Variants in TRDN observed in about 807,000 individuals in gnomAD.
TRDN encodes triadin in skeletal muscle.
A neutral mutation model predicts 149.7 loss-of-function variants in TRDN; 161 were observed. The observed-to-expected ratio is 1.08, with a 90% CI of 0.95 to 1.23. The LOEUF is 1.23. Among genes scored for constraint, TRDN ranks in the 50% most tolerant of loss-of-function variants. The probability of loss-of-function intolerance (pLI) is 0.00; values close to 1 mark genes in which losing one functional copy is unlikely to be tolerated. For synonymous variants in TRDN, 294 were observed against 250.5 expected (o/e 1.17, Z -1.64); for missense variants, 896 against 823.5 (o/e 1.09, Z -1.08).
chr6:123,505,248 A>C (rs2114837844), intron 7 of TRDN, among the ~76,000 whole-genome samples: 1 of 70,426 alleles, frequency 1.4e-5, no homozygotes, highest in Middle Eastern at 5.7e-3. Context: ...CTGTCTCAAA[A>C]AAAAAAAAAA....
At chr6:123,220,120 T>A (rs2114495650) in intron 40 of TRDN, among the ~76,000 whole-genome samples, 1 of 151,936 alleles carries the variant, frequency 6.6e-6, no homozygotes, top group East Asian at 2.0e-4. Flanking sequence ...CCAACTGAGG[T>A]TAGAATATTT....
intron 39 of TRDN, among the ~76,000 whole-genome samples, chr6:123,222,564 T>C (rs1278981300): frequency 6.6e-6 from 1 of 151,798 alleles, no homozygotes; most frequent in African/African-American, 2.4e-5. Context: ...TTTTATTTGA[T>C]AAGGTCCTGA....
At chr6:123,445,875 C>A (rs1449202046) in intron 10 of TRDN, among the ~76,000 whole-genome samples, 1 of 135,982 alleles carries the variant, frequency 7.4e-6, no homozygotes, top group East Asian at 2.0e-4. Flanking sequence ...ACCCAGCCAT[C>A]CCATTACTGG....
At chr6:123,488,201 G>A (rs1778055301) in intron 9 of TRDN, among the ~76,000 whole-genome samples, 1 of 152,078 alleles carries the variant, frequency 6.6e-6, no homozygotes, top group South Asian at 2.1e-4. Context: ...GCTTACTTCA[G>A]TTAGAAGTGC....
chr6:123,538,082 T>C (rs1259978795), intron 4 of TRDN, among the ~76,000 whole-genome samples: 1 of 152,218 alleles, frequency 6.6e-6, no homozygotes, highest in Non-Finnish European at 1.5e-5. Context: ...GCAATCATCC[T>C]GATTCTTTTA....
At position 123,319,778 on chromosome 6, in the gene TRDN, T is replaced by C. The variant is rs1779173546; in HGVS notation, c.1472-3283A>G. Among the ~76,000 whole-genome samples, 3 of 152,090 alleles carry C rather than the reference T, an allele frequency of 2.0e-5. No homozygotes were observed. The South Asian group carries it at 6.2e-4, about 32-fold the overall frequency. On this transcript the variant is annotated intron_variant, in intron 23 of 40. Coordinates refer to ENST00000334268, the MANE Select transcript of TRDN (RefSeq NM_006073.4). ...GAACCAAAAAGTCCCCATGCTAAGTTGTTGAGGCAGGCAGCCTGCCATTTC... is the reference window on the plus strand; with the variant it reads ...GAACCAAAAAGTCCCCATGCTAAGTCGTTGAGGCAGGCAGCCTGCCATTTC...
intron 22 of TRDN, among the ~76,000 whole-genome samples, chr6:123,334,158 G>T (rs1456057065): frequency 6.6e-6 from 1 of 151,972 alleles, no homozygotes; most frequent in Non-Finnish European, 1.5e-5. Flanking sequence ...GAATTGTTGA[G>T]TGGAAATGGC....
intron 38 of TRDN, among the ~76,000 whole-genome samples, chr6:123,232,170 G>A (rs771496958): frequency 2.0e-4 from 30 of 151,538 alleles, no homozygotes; most frequent in Non-Finnish European, 2.9e-4. Context: ...CAACCTCTGG[G>A]GAAAAACAGC....
chr6:123,459,909 C>T (rs959508174), intron 10 of TRDN, among the ~76,000 whole-genome samples: 2 of 152,154 alleles, frequency 1.3e-5, no homozygotes, highest in African/African-American at 4.8e-5. Context: ...TTTCTCCGAT[C>T]TTCTCTTTAA....
chr6:123,245,415 G>A (rs754367699), intron 38 of TRDN, among the ~76,000 whole-genome samples: 27 of 150,178 alleles, frequency 1.8e-4, no homozygotes, highest in Non-Finnish European at 3.7e-4. Flanking sequence ...CAAGCAAATG[G>A]AAAGAAAAAA....
At chr6:123,551,150 A>G (rs1781362015) in intron 2 of TRDN, among the ~76,000 whole-genome samples, 1 of 146,284 alleles carries the variant, frequency 6.8e-6, no homozygotes, top group South Asian at 2.1e-4. Flanking sequence ...ATCCAACAAA[A>G]TTGGGATCAG....
chr6:123,493,984 A>G (rs1778328774), intron 9 of TRDN, among the ~76,000 whole-genome samples: 1 of 152,226 alleles, frequency 6.6e-6, no homozygotes, highest in Non-Finnish European at 1.5e-5. Flanking sequence ...ATTAAATGAA[A>G]CAACAGGCAT....
At chr6:123,493,258 A>G (rs1375383494) in intron 9 of TRDN, among the ~76,000 whole-genome samples, 3 of 152,142 alleles carry the variant, frequency 2.0e-5, no homozygotes, top group Non-Finnish European at 2.9e-5. Flanking sequence ...TTGATTCAAT[A>G]CAACCAAATG....
intron 12 of TRDN, among the ~76,000 whole-genome samples, chr6:123,430,716 T>A (rs750307513): frequency 2.0e-5 from 3 of 152,180 alleles, no homozygotes; most frequent in Non-Finnish European, 2.9e-5. Context: ...GTCGCATGTA[T>A]ACTAGTCCTC....
intron 33 of TRDN, among the ~76,000 whole-genome samples, chr6:123,264,185 C>T (rs577232540): frequency 2.8e-4 from 43 of 152,108 alleles, no homozygotes; most frequent in South Asian, 1.2e-3. Flanking sequence ...CTGATAGATC[C>T]GTGCAAAGTA....
intron 24 of TRDN, among the ~76,000 whole-genome samples, chr6:123,293,085 G>T (rs185531589): frequency 6.6e-6 from 1 of 152,218 alleles, no homozygotes; most frequent in South Asian, 2.1e-4. Flanking sequence ...ATTGCATCAG[G>T]AAATCATCTT....
At chr6:123,548,043 A>G (rs774212656) in intron 3 of TRDN, among the ~76,000 whole-genome samples, 1 of 152,060 alleles carries the variant, frequency 6.6e-6, no homozygotes, top group East Asian at 1.9e-4. Context: ...AATATGACAT[A>G]TGTGTATAAA....
At chr6:123,275,660 G>A (rs1016811046) in intron 26 of TRDN, among the ~76,000 whole-genome samples, 4 of 152,126 alleles carry the variant, frequency 2.6e-5, no homozygotes, top group Non-Finnish European at 5.9e-5. Context: ...TTTTGAAATT[G>A]GGTAATGGGT....
chr6:123,452,806 C>A (rs1351145677), intron 10 of TRDN, among the ~76,000 whole-genome samples: 1 of 151,990 alleles, frequency 6.6e-6, no homozygotes. Context: ...CAAGACTAAG[C>A]AAAAAGTACA....
Sources: allele counts gnomAD v4.1 joint callset (sites outside exome capture counted in the v4.1 genomes callset), GRCh38; gene constraint gnomAD v4.1.1; transcripts MANE v1.5; gene names NCBI Gene and HGNC (gene_info 2026-07-23, HGNC 2026-07-21).